TRIO: variants seen among roughly 807,000 people sequenced by gnomAD.
TRIO encodes trio Rho guanine nucleotide exchange factor.
A neutral mutation model predicts 351.9 loss-of-function variants in TRIO; 58 were observed. That is an observed-to-expected ratio of 0.16 (90% CI 0.13 to 0.21). The LOEUF is 0.21. TRIO is among the 10% of genes least tolerant of loss of function. TRIO has a pLI of 1.00. For missense variants in TRIO, 3,201 were observed against 4,027.8 expected, an observed-to-expected ratio of 0.79 and a Z score of 5.56; for synonymous variants, 1,758 against 1,595.7, an observed-to-expected ratio of 1.10 and a Z score of -2.42.
intron 18 of TRIO, among the ~76,000 whole-genome samples, chr5:14,370,115 C>A (rs1226084433): frequency 6.6e-6 from 1 of 150,802 alleles, no homozygotes; most frequent in Non-Finnish European, 1.5e-5. Flanking sequence ...TTCTTTCTTT[C>A]TTTCTTTCTT....
At chr5:14,372,424 C>G (rs1214588736) in intron 18 of TRIO, among the ~76,000 whole-genome samples, 1 of 152,098 alleles carries the variant, frequency 6.6e-6, no homozygotes, top group African/African-American at 2.4e-5. Flanking sequence ...GCAGTTCATC[C>G]CTCTGTACTT....
At chr5:14,470,025 A>G (rs760695629) in intron 37 of TRIO, among the ~76,000 whole-genome samples, 8 of 152,238 alleles carry the variant, frequency 5.3e-5, no homozygotes, top group Non-Finnish European at 1.0e-4. Context: ...TGAGCGTGAA[A>G]CAAGCTCTGC....
intron 11 of TRIO, among the ~76,000 whole-genome samples, chr5:14,354,131 G>A (rs868266967): frequency 3.3e-5 from 5 of 152,184 alleles, no homozygotes; most frequent in Admixed American, 2.6e-4. Flanking sequence ...AGGGCCCAGC[G>A]GTGCTGGGGG....
At position 14,461,106 on chromosome 5, in the gene TRIO, C is replaced by T. The variant is rs1753761692; in HGVS notation, c.5291C>T (p.Pro1764Leu). 1 of 1,563,140 alleles carries T rather than the reference C, an allele frequency of 6.4e-7. No homozygotes were observed. The highest frequency in any genetic ancestry group is 8.7e-7 in the Non-Finnish European group (1 of 1,154,638). Residue 1764 changes from proline (P) to leucine (L), a missense_variant, in exon 35 of 57, where the codon CCG becomes CTG. Transcript: ENST00000344204. ...QPHMIGAQSS[P>L]GPKRPGNTLR... ...CACATGATCGGGGCCCAGAGCTCGC[C>T]GGGCCCCAAGCGGCCGGGCAACACC...
At position 14,507,110 on chromosome 5, in the gene TRIO, C is replaced by T; in HGVS notation, c.8613-12C>T. The T allele has an allele frequency of 1.3e-6, 2 of 1,569,610 alleles. No homozygotes were observed. The highest frequency in any genetic ancestry group is 1.7e-6 in the Non-Finnish European group (2 of 1,160,870). ...ATCGCATCATAACAGTCACCCGCTC[C>T]TGCCTCTTTAGGGCTGACCAGGGTC... On this transcript the variant is annotated splice_polypyrimidine_tract_variant and intron_variant, in intron 55 of 56. Transcript: ENST00000344204.
intron 30 of TRIO, 129 bp downstream of exon 30, chr5:14,399,199 T>G: frequency 1.1e-6 from 1 of 883,774 alleles, no homozygotes; most frequent in South Asian, 1.6e-5. Flanking sequence ...AAGTCTGAAT[T>G]GTGGTAGGGT....
At chr5:14,477,332 G>GT (rs763837019) in intron 41 of TRIO, 6 of 165,694 alleles carry the variant, frequency 3.6e-5, no homozygotes, top group Non-Finnish European at 5.2e-5. Context: ...GAAAATAAGC[G>GT]TATTAACATT....
At chr5:14,368,420 C>G (rs973300831) in intron 16 of TRIO, among the ~76,000 whole-genome samples, 3 of 152,168 alleles carry the variant, frequency 2.0e-5, no homozygotes, top group Non-Finnish European at 4.4e-5. Context: ...TGTTAAGGGT[C>G]TTTCCTGCTA....
rs543049479 is a variant in TRIO, at chr5:14,503,401, GCTGT to G, written c.8411+747_8411+750del. 6.3e-3 allele frequency among the ~76,000 whole-genome samples: 957 copies of G among 152,366 alleles called. 4 individuals are homozygous for G. The highest frequency in any genetic ancestry group is 0.017 in the Middle Eastern group (5 of 294). ...TGCATAAAAAGTCACACCAGCACAT[GCTGT>G]CTTAGGACAGTGGTGACATGTGCCT... On this transcript the variant is annotated intron_variant, in intron 54 of 56. Coordinates refer to ENST00000344204, the MANE Select transcript of TRIO (RefSeq NM_007118.4).
At chr5:14,230,671 C>G (rs1333193966) in intron 1 of TRIO, among the ~76,000 whole-genome samples, 1 of 152,074 alleles carries the variant, frequency 6.6e-6, no homozygotes, top group Non-Finnish European at 1.5e-5. Flanking sequence ...TTTTGCCCCC[C>G]TCCCCTAATA....
intron 10 of TRIO, among the ~76,000 whole-genome samples, chr5:14,335,471 C>T (rs981726114): frequency 1.3e-5 from 2 of 152,164 alleles, no homozygotes; most frequent in Middle Eastern, 3.2e-3. Flanking sequence ...GGGCTCCCCT[C>T]CCACCTGTGG....
At chr5:14,330,577 G>C (rs1740819675) in intron 9 of TRIO, among the ~76,000 whole-genome samples, 2 of 152,168 alleles carry the variant, frequency 1.3e-5, no homozygotes, top group Admixed American at 1.3e-4. Flanking sequence ...AGTCCTGCTG[G>C]GAAAGCTGAT....
chr5:14,488,047 C>A lies in TRIO; in HGVS notation c.7419C>A (p.Phe2473Leu), dbSNP rs754225119. 7.5e-6 allele frequency: 12 copies of A among 1,607,876 alleles called. No individual in the cohort carries two copies. The highest frequency in any genetic ancestry group is 1.7e-5 in the Admixed American group (1 of 59,718). Residue 2473 changes from phenylalanine to leucine, a missense_variant, in exon 48 of 57, where the codon TTC (phenylalanine) becomes TTA (leucine). Phe to Leu is a conservative substitution (Grantham distance 22). Transcript: ENST00000344204. Reference sequence around the variant, plus strand: ...TCCCTTCTCTCGGCAAGGAGCCCTTCCCCCCCAGCAGCCCCCTGCAGAAGG... The same window carrying A: ...TCCCTTCTCTCGGCAAGGAGCCCTTACCCCCCAGCAGCCCCCTGCAGAAGG... Reference protein sequence around the residue: ...SAVPSLGKEPFPPSSPLQKGG... With the variant: ...SAVPSLGKEPLPPSSPLQKGG...
intron 30 of TRIO, among the ~76,000 whole-genome samples, chr5:14,400,304 A>C (rs931780190): frequency 6.6e-6 from 1 of 152,116 alleles, no homozygotes; most frequent in Non-Finnish European, 1.5e-5. Flanking sequence ...AGAAGTTAAG[A>C]TTCCCTCAGA....
chr5:14,205,367 C>T (rs1417639805), intron 1 of TRIO, among the ~76,000 whole-genome samples: 1 of 152,202 alleles, frequency 6.6e-6, no homozygotes, highest in Admixed American at 6.5e-5. Context: ...TAGCAGCTAA[C>T]AGTTTCATTC....
chr5:14,193,028 C>A (rs1790549173), intron 1 of TRIO, among the ~76,000 whole-genome samples: 1 of 152,146 alleles, frequency 6.6e-6, no homozygotes, highest in Admixed American at 6.5e-5. Flanking sequence ...GAAGTGGAGA[C>A]CCTGCTGGGA....
intron 34 of TRIO, chr5:14,441,416 T>G (rs1464961327): frequency 6.5e-6 from 1 of 154,664 alleles, no homozygotes; most frequent in East Asian, 1.9e-4. Context: ...CTGCCTGCTT[T>G]CTTTCCAGTG....
chr5:14,260,652 A>G (rs949745768), intron 1 of TRIO, among the ~76,000 whole-genome samples: 1 of 152,182 alleles, frequency 6.6e-6, no homozygotes, highest in Non-Finnish European at 1.5e-5. Context: ...AAAAATTCTG[A>G]TGTTTGTTTG....
At chr5:14,504,620 G>A (rs1409693903) in intron 55 of TRIO, 27 bp downstream of exon 55, 7 of 1,610,120 alleles carry the variant, frequency 4.3e-6, no homozygotes, top group Non-Finnish European at 5.9e-6. Context: ...CCTTCCCTCT[G>A]CCCAGCCCTC....
Sources: allele counts gnomAD v4.1 joint callset (sites outside exome capture counted in the v4.1 genomes callset), GRCh38; gene constraint gnomAD v4.1.1; transcripts MANE v1.5; gene names NCBI Gene and HGNC (gene_info 2026-07-23, HGNC 2026-07-21).